The following NRXN1 variants were observed in gnomAD, a reference collection of about 807,000 sequenced individuals.
The protein encoded by NRXN1 is neurexin 1, also known as neurexin-1.
NRXN1 carries 39 observed loss-of-function variants against 150.9 expected under a neutral mutation model. The observed-to-expected ratio is 0.26, with a 90% CI of 0.20 to 0.34. The LOEUF (loss-of-function observed/expected upper bound fraction) is 0.34. NRXN1 is among the 10% of genes least tolerant of loss of function. The pLI is 1.00. For missense variants in NRXN1, 1,815 were observed against 1,949.9 expected (o/e 0.93, Z 1.30); for synonymous variants, 924 against 757.0 (o/e 1.22, Z -3.62).
At chr2:50,683,646 A>AAAAAAAAAAATATATATATATATATAT in intron 5 of NRXN1, among the ~76,000 whole-genome samples, 5 of 14,898 alleles carry the variant, frequency 3.4e-4, no homozygotes, top group African/African-American at 1.4e-3. Flanking sequence ...AAAAAAAAAA[A>AAAAAAAAAAATATATATATATATATAT]ATATATATAT....
At chr2:50,848,768 C>T (rs757276928) in intron 5 of NRXN1, among the ~76,000 whole-genome samples, 13 of 152,016 alleles carry the variant, frequency 8.6e-5, no homozygotes, top group Admixed American at 2.0e-4. Flanking sequence ...GGCAAAAATG[C>T]CAGGGTAGTC....
intron 17 of NRXN1, among the ~76,000 whole-genome samples, chr2:50,314,694 A>G (rs997139875): frequency 6.6e-6 from 1 of 152,092 alleles, no homozygotes; most frequent in Non-Finnish European, 1.5e-5. Context: ...AAAAAAGAAT[A>G]TATTTTTTGT....
intron 5 of NRXN1, among the ~76,000 whole-genome samples, chr2:50,688,154 C>A (rs1691528148): frequency 6.6e-6 from 1 of 152,164 alleles, no homozygotes. Flanking sequence ...ACCCACTTCA[C>A]TTCCATCTCT....
At chr2:49,944,404 G>C (rs1390516912) in intron 21 of NRXN1, among the ~76,000 whole-genome samples, 1 of 152,234 alleles carries the variant, frequency 6.6e-6, no homozygotes, top group East Asian at 1.9e-4. Flanking sequence ...TCAGATAGCA[G>C]GTATTGCTTC....
intron 5 of NRXN1, among the ~76,000 whole-genome samples, chr2:50,864,377 T>C (rs1559366843): frequency 6.6e-6 from 1 of 152,052 alleles, no homozygotes; most frequent in African/African-American, 2.4e-5. Flanking sequence ...GTCTTATTTA[T>C]CTTTTCATTT....
intron 21 of NRXN1, among the ~76,000 whole-genome samples, chr2:49,993,578 C>A (rs1377378939): frequency 6.6e-6 from 1 of 152,116 alleles, no homozygotes; most frequent in Non-Finnish European, 1.5e-5. Flanking sequence ...GCAGGCTCAC[C>A]AATTGTAACA....
intron 17 of NRXN1, among the ~76,000 whole-genome samples, chr2:50,430,011 T>C (rs1163623732): frequency 6.6e-6 from 1 of 152,176 alleles, no homozygotes; most frequent in Non-Finnish European, 1.5e-5. Context: ...CAGAATACAC[T>C]CTGTCACACA....
chr2:50,791,558 A>T (rs761140509), intron 5 of NRXN1, among the ~76,000 whole-genome samples: 1 of 151,900 alleles, frequency 6.6e-6, no homozygotes, highest in African/African-American at 2.4e-5. Context: ...TTTAGTATGT[A>T]CTCCTAAGTT....
intron 2 of NRXN1, among the ~76,000 whole-genome samples, chr2:50,947,767 G>A (rs966073234): frequency 2.0e-5 from 3 of 151,966 alleles, no homozygotes; most frequent in African/African-American, 4.8e-5. Flanking sequence ...TTAAAGCTAC[G>A]AAGGGTTTCC....
chr2:50,995,498 T>C (rs1281191162), intron 2 of NRXN1, among the ~76,000 whole-genome samples: 1 of 150,164 alleles, frequency 6.7e-6, no homozygotes, highest in Non-Finnish European at 1.5e-5. Flanking sequence ...CCAACTACTG[T>C]GGAGCCTGAG....
At chr2:50,597,035 T>G (rs565858377) in intron 8 of NRXN1, among the ~76,000 whole-genome samples, 7 of 151,990 alleles carry the variant, frequency 4.6e-5, no homozygotes, top group Non-Finnish European at 8.8e-5. Context: ...GTATTTTTTG[T>G]AGGGATGGGG....
At chr2:50,970,732 G>T (rs996769410) in intron 2 of NRXN1, among the ~76,000 whole-genome samples, 1 of 151,908 alleles carries the variant, frequency 6.6e-6, no homozygotes, top group Non-Finnish European at 1.5e-5. Context: ...GGGTCGTTAT[G>T]TTTAAAATAC....
intron 2 of NRXN1, among the ~76,000 whole-genome samples, chr2:50,963,312 T>A (rs566426986): frequency 4.2e-4 from 64 of 151,528 alleles, no homozygotes; most frequent in Non-Finnish European, 7.7e-4. Context: ...GACAGCTGTC[T>A]ACCTTCTCTC....
intron 2 of NRXN1, among the ~76,000 whole-genome samples, chr2:51,002,003 A>G (rs1251175420): frequency 1.3e-5 from 2 of 152,008 alleles, no homozygotes; most frequent in African/African-American, 2.4e-5. Flanking sequence ...CACCCTGATA[A>G]GTTTCCCTAA....
chr2:50,637,292 A>T (rs1453105499), intron 5 of NRXN1, among the ~76,000 whole-genome samples: 1 of 152,168 alleles, frequency 6.6e-6, no homozygotes, highest in African/African-American at 2.4e-5. Flanking sequence ...TCATTAATCA[A>T]CATTCTCTAG....
intron 17 of NRXN1, among the ~76,000 whole-genome samples, chr2:50,447,919 G>A (rs1225549807): frequency 6.6e-6 from 1 of 151,302 alleles, no homozygotes; most frequent in African/African-American, 2.4e-5. Context: ...TATTAAGTCT[G>A]AGAGATGTGT....
intron 2 of NRXN1, among the ~76,000 whole-genome samples, chr2:50,967,829 G>A (rs780780918): frequency 3.3e-5 from 5 of 151,876 alleles, no homozygotes; most frequent in Admixed American, 6.6e-5. Flanking sequence ...AGTTTGATGA[G>A]TCTGTGTTAT....
chr2:51,026,896 C>G (rs1656059709), intron 2 of NRXN1, among the ~76,000 whole-genome samples: 1 of 152,256 alleles, frequency 6.6e-6, no homozygotes, highest in South Asian at 2.1e-4. Flanking sequence ...TTCACATCCT[C>G]TCTTTCCCTT....
At chr2:50,481,223 A>C (rs1455452478) in intron 15 of NRXN1, among the ~76,000 whole-genome samples, 1 of 152,226 alleles carries the variant, frequency 6.6e-6, no homozygotes, top group East Asian at 1.9e-4. Context: ...CAATATGTAC[A>C]GCTTCACTAC....
Sources: gnomAD v4.1 joint callset for allele counts (sites outside exome capture counted in the v4.1 genomes callset) on GRCh38, gnomAD v4.1.1 for gene constraint, MANE v1.5 for transcripts, NCBI Gene and HGNC (gene_info 2026-07-23, HGNC 2026-07-21) for gene names.